Variants in ATRNL1 observed in about 807,000 individuals in gnomAD.
The protein encoded by ATRNL1 is attractin-like protein 1.
ATRNL1 carries 95 observed loss-of-function variants against 182.7 expected under a neutral mutation model. The observed-to-expected ratio is 0.52, with a 90% CI of 0.44 to 0.62. The LOEUF is 0.62. Ranked by LOEUF, ATRNL1 falls within the 20% of genes least tolerant of loss-of-function variation. The pLI, the probability that ATRNL1 is intolerant of heterozygous loss-of-function variation, is 0.00. For synonymous variants in ATRNL1, 576 were observed against 568.3 expected, an observed-to-expected ratio of 1.01 and a Z score of -0.19; for missense variants, 1,471 against 1,679.5, an observed-to-expected ratio of 0.88 and a Z score of 2.17.
intron 26 of ATRNL1, among the ~76,000 whole-genome samples, chr10:115,720,008 C>T (rs886653475): frequency 1.3e-5 from 2 of 151,646 alleles, no homozygotes; most frequent in Admixed American, 6.6e-5. Flanking sequence ...TACAGGTGTG[C>T]GCCACCAGGC....
intron 8 of ATRNL1, among the ~76,000 whole-genome samples, chr10:115,212,339 A>G (rs1436169195): frequency 6.6e-6 from 1 of 150,868 alleles, no homozygotes; most frequent in Admixed American, 6.6e-5. Context: ...GTTTGTTTCA[A>G]GATAATTTGT....
At chr10:115,618,437 C>G (rs999339148) in intron 26 of ATRNL1, among the ~76,000 whole-genome samples, 8 of 151,954 alleles carry the variant, frequency 5.3e-5, no homozygotes, top group Admixed American at 2.0e-4. Context: ...TCTTCCCTTC[C>G]TGGAACTCAC....
rs1555125149 is a variant in ATRNL1, at chr10:115,944,811, T to C, written c.*32T>C. 1 of 1,597,370 alleles carries C rather than the reference T, an allele frequency of 6.3e-7. No homozygotes were observed. Among genetic ancestry groups the C allele is most frequent in the African/African-American group, 1.3e-5 (1 of 74,190 alleles). ...GAAACCGCTCCTGTATATTCTGTAC[T>C]GTTTTACTTCGGGCTTCTGTTAAAG... On this transcript the variant is annotated 3_prime_UTR_variant, in exon 29 of 29. Coordinates refer to ENST00000355044, the MANE Select transcript of ATRNL1 (RefSeq NM_207303.4).
At chr10:115,524,260 T>G (rs1851098074) in intron 25 of ATRNL1, among the ~76,000 whole-genome samples, 1 of 152,330 alleles carries the variant, frequency 6.6e-6, no homozygotes, top group South Asian at 2.1e-4. Flanking sequence ...ACATTTGATT[T>G]GGAGGATCAA....
chr10:115,573,252 C>A (rs1329270696), intron 26 of ATRNL1, among the ~76,000 whole-genome samples: 1 of 152,052 alleles, frequency 6.6e-6, no homozygotes, highest in Non-Finnish European at 1.5e-5. Context: ...TGATCTTCGT[C>A]TGGAGTTGGG....
chr10:115,416,690 ATT>A (rs1845406113), intron 20 of ATRNL1, among the ~76,000 whole-genome samples: 1 of 152,210 alleles, frequency 6.6e-6, no homozygotes, highest in East Asian at 1.9e-4. Context: ...AGAAAATAAA[ATT>A]TCAACCATTC....
rs782514148 is a variant in ATRNL1, at chr10:115,171,087, C to T, written c.1143C>T (p.Val381=). The change falls in exon 8 of 29, where the codon GTC becomes GTT. Residue 381 remains valine (V), a synonymous_variant. Transcript: ENST00000355044. ...GAATTGAAACAAATGATGGCAATGTCACAGATGAATTATGGGTTTTTAACA... is the reference window on the plus strand; with the variant it reads ...GAATTGAAACAAATGATGGCAATGTTACAGATGAATTATGGGTTTTTAACA... ...GGRIETNDGN[V]TDELWVFNIH... is the part of the protein sequence containing the mutation. 2.5e-6 allele frequency: 4 copies of T among 1,588,390 alleles called. No homozygotes were observed. Among genetic ancestry groups the T allele is most frequent in the Non-Finnish European group, 3.4e-6 (4 of 1,165,246 alleles).
intron 28 of ATRNL1, among the ~76,000 whole-genome samples, chr10:115,894,706 T>C (rs960565274): frequency 2.0e-5 from 3 of 152,202 alleles, no homozygotes; most frequent in African/African-American, 7.2e-5. Flanking sequence ...ATAATACTCC[T>C]GGACAGAGAG....
At chr10:115,638,714 T>G (rs1327153939) in intron 26 of ATRNL1, among the ~76,000 whole-genome samples, 1 of 152,154 alleles carries the variant, frequency 6.6e-6, no homozygotes, top group Admixed American at 6.5e-5. Context: ...AAACTTATTT[T>G]AAATAAAGAA....
chr10:115,576,608 T>G (rs1555005285), intron 26 of ATRNL1, among the ~76,000 whole-genome samples: 1 of 152,078 alleles, frequency 6.6e-6, no homozygotes, highest in African/African-American at 2.4e-5. Flanking sequence ...TTGAGCTGTA[T>G]GAATCTCTTA....
intron 26 of ATRNL1, among the ~76,000 whole-genome samples, chr10:115,723,506 A>G (rs1237185251): frequency 6.8e-6 from 1 of 148,054 alleles, no homozygotes; most frequent in Non-Finnish European, 1.5e-5. Context: ...CTGGTTGTCA[A>G]ATTTAAGCGT....
intron 8 of ATRNL1, among the ~76,000 whole-genome samples, chr10:115,201,738 T>G (rs1453662354): frequency 6.6e-6 from 1 of 152,054 alleles, no homozygotes; most frequent in Non-Finnish European, 1.5e-5. Flanking sequence ...CCATATGAAC[T>G]TTAAAGTAGT....
intron 18 of ATRNL1, among the ~76,000 whole-genome samples, chr10:115,328,260 C>T (rs1179864820): frequency 9.2e-5 from 14 of 151,920 alleles, no homozygotes; most frequent in South Asian, 6.3e-4. Flanking sequence ...TTTCCATAAA[C>T]GTATTTATAC....
chr10:115,494,087 GTTTCT>G (rs1450201933), intron 24 of ATRNL1, among the ~76,000 whole-genome samples: 7 of 152,042 alleles, frequency 4.6e-5, no homozygotes, highest in South Asian at 2.1e-4. Context: ...TATGCTGATA[GTTTCT>G]TTTGTTGGAA....
chr10:115,737,480 T>C (rs1383698656), intron 27 of ATRNL1, among the ~76,000 whole-genome samples: 1 of 152,050 alleles, frequency 6.6e-6, no homozygotes, highest in African/African-American at 2.4e-5. Flanking sequence ...TTTGGTTATT[T>C]TGAAGTGGGA....
chr10:115,292,534 A>G lies in ATRNL1; in HGVS notation c.2415+6137A>G, dbSNP rs1051195339. Reference sequence around the variant, plus strand: ...CTTCCCTTTCAGTACTCCTTTTGCTATATCCTATAGGCTTTGGTATGTTGT... The same window carrying G: ...CTTCCCTTTCAGTACTCCTTTTGCTGTATCCTATAGGCTTTGGTATGTTGT... On this transcript the variant is annotated intron_variant, in intron 15 of 28. Transcript: ENST00000355044. 4.6e-5 allele frequency among the ~76,000 whole-genome samples: 7 copies of G among 151,782 alleles called. No individual in the cohort carries two copies. The South Asian group carries it at 1.0e-3, about 23-fold the overall frequency.
At chr10:115,154,319 C>T (rs548149381) in intron 5 of ATRNL1, among the ~76,000 whole-genome samples, 4 of 151,974 alleles carry the variant, frequency 2.6e-5, no homozygotes, top group Non-Finnish European at 4.4e-5. Flanking sequence ...GTGTTAAAGT[C>T]TCCCATTATT....
chr10:115,875,481 G>A (rs560771300), intron 28 of ATRNL1, among the ~76,000 whole-genome samples: 8 of 152,240 alleles, frequency 5.3e-5, no homozygotes, highest in East Asian at 1.9e-4. Flanking sequence ...TTCTAAGAAC[G>A]GGAAGGGGAC....
intron 8 of ATRNL1, among the ~76,000 whole-genome samples, chr10:115,172,138 C>G (rs972761816): frequency 1.3e-5 from 2 of 151,988 alleles, no homozygotes; most frequent in African/African-American, 4.8e-5. Context: ...GACTCCCCTT[C>G]GAAATACTCC....
Sources: gnomAD v4.1 joint callset for allele counts (sites outside exome capture counted in the v4.1 genomes callset) on GRCh38, gnomAD v4.1.1 for gene constraint, MANE v1.5 for transcripts, NCBI Gene and HGNC (gene_info 2026-07-23, HGNC 2026-07-21) for gene names.